PRKG1: variants seen among roughly 807,000 people sequenced by gnomAD.
PRKG1 encodes the protein cGMP-dependent protein kinase 1.
Under a neutral mutation model 88.1 loss-of-function variants are expected in PRKG1, and 35 were observed. That is an observed-to-expected ratio of 0.40 (90% CI 0.30 to 0.53). The LOEUF is 0.53. Ranked by LOEUF, PRKG1 falls within the 20% of genes least tolerant of loss-of-function variation. The pLI, the probability that PRKG1 is intolerant of heterozygous loss-of-function variation, is 0.59. For missense variants in PRKG1, 540 were observed against 839.8 expected, an observed-to-expected ratio of 0.64 and a Z score of 4.41; for synonymous variants, 303 against 292.5, an observed-to-expected ratio of 1.04 and a Z score of -0.37.
At chr10:51,131,522 G>A (rs1845566698) in intron 1 of PRKG1, among the ~76,000 whole-genome samples, 1 of 152,102 alleles carries the variant, frequency 6.6e-6, no homozygotes, top group Admixed American at 6.6e-5. Context: ...AGAGGTGGGC[G>A]GATCACCTGA....
chr10:51,670,735 CA>C (rs1181738888), intron 3 of PRKG1, among the ~76,000 whole-genome samples: 2 of 116,722 alleles, frequency 1.7e-5, no homozygotes, highest in Admixed American at 9.2e-5. Flanking sequence ...GACTCCGTCT[CA>C]AAAAAAAATA....
At chr10:51,874,379 G>A (rs1199717213) in intron 4 of PRKG1, among the ~76,000 whole-genome samples, 4 of 152,192 alleles carry the variant, frequency 2.6e-5, no homozygotes, top group Non-Finnish European at 5.9e-5. Flanking sequence ...ATTTATACAA[G>A]AGAGCATGAA....
At chr10:51,847,341 C>T (rs954854257) in intron 4 of PRKG1, among the ~76,000 whole-genome samples, 15 of 152,014 alleles carry the variant, frequency 9.9e-5, no homozygotes, top group African/African-American at 2.9e-4. Context: ...TATAATCTCT[C>T]AAAAAATAAT....
At chr10:51,629,931 A>G (rs976997325) in intron 3 of PRKG1, among the ~76,000 whole-genome samples, 20 of 152,178 alleles carry the variant, frequency 1.3e-4, no homozygotes, top group East Asian at 3.8e-4. Context: ...AGAAATTCCA[A>G]TGTTCACTCA....
At chr10:51,838,268 C>G (rs1383886336) in intron 4 of PRKG1, among the ~76,000 whole-genome samples, 1 of 152,102 alleles carries the variant, frequency 6.6e-6, no homozygotes, top group African/African-American at 2.4e-5. Context: ...CTCTGGTTTT[C>G]AATCCAAGAG....
chr10:51,149,433 G>C (rs577143217), intron 1 of PRKG1, among the ~76,000 whole-genome samples: 2 of 152,202 alleles, frequency 1.3e-5, no homozygotes, highest in African/African-American at 4.8e-5. Context: ...TTTTACCTAA[G>C]ATTGTGTAGA....
At chr10:51,499,340 C>G (rs1290461526) in intron 3 of PRKG1, among the ~76,000 whole-genome samples, 1 of 152,108 alleles carries the variant, frequency 6.6e-6, no homozygotes, top group Non-Finnish European at 1.5e-5. Context: ...AAGGCACTCT[C>G]AAAGCCTTCC....
At chr10:51,544,564 T>C (rs1842399146) in intron 3 of PRKG1, among the ~76,000 whole-genome samples, 1 of 152,174 alleles carries the variant, frequency 6.6e-6, no homozygotes. Context: ...CCTTTGGGTA[T>C]ATACCCAGTA....
At chr10:52,292,422 C>T (rs566961238) in intron 17 of PRKG1, among the ~76,000 whole-genome samples, 181 of 152,016 alleles carry the variant, frequency 1.2e-3, no homozygotes, top group African/African-American at 4.2e-3. Context: ...TTTAATCCAT[C>T]TTGAATTAAT....
rs138811590 is a variant in PRKG1, at chr10:51,604,381, T to G, written c.592+136545T>G. On this transcript the variant is annotated intron_variant, in intron 3 of 17. Coordinates refer to ENST00000373980, the MANE Select transcript of PRKG1 (RefSeq NM_006258.4). ...TAAGATGGCGTTTATAAAAGTTGTT[T>G]TTTAACCTTCTAAAATGTTGTTTCA... Among the ~76,000 whole-genome samples the G allele has an allele frequency of 1.7e-3, 252 of 152,326 alleles. 1 individual carries two copies. The highest frequency in any genetic ancestry group is 5.7e-3 in the African/African-American group (235 of 41,570).
chr10:51,447,286 C>CA (rs2132761877), intron 2 of PRKG1, among the ~76,000 whole-genome samples: 1 of 152,072 alleles, frequency 6.6e-6, no homozygotes, highest in East Asian at 1.9e-4. Context: ...ACTGATACAT[C>CA]ACTCTCAGCC....
intron 12 of PRKG1, among the ~76,000 whole-genome samples, chr10:52,276,077 C>T (rs1841865915): frequency 2.0e-5 from 3 of 152,230 alleles, no homozygotes; most frequent in Admixed American, 2.0e-4. Context: ...GTTCTAGGAG[C>T]TTCCTGGAAG....
At chr10:51,152,641 C>T (rs185846196) in intron 1 of PRKG1, among the ~76,000 whole-genome samples, 29 of 151,912 alleles carry the variant, frequency 1.9e-4, no homozygotes, top group Admixed American at 1.5e-3. Context: ...TAAAATGATC[C>T]CTGCTTATGT....
At chr10:51,208,315 A>G (rs991533457) in intron 2 of PRKG1, among the ~76,000 whole-genome samples, 2 of 152,204 alleles carry the variant, frequency 1.3e-5, no homozygotes, top group Non-Finnish European at 2.9e-5. Flanking sequence ...GGTAATTCCA[A>G]TATGGTAAAA....
At chr10:51,524,206 A>G (rs190104620) in intron 3 of PRKG1, among the ~76,000 whole-genome samples, 1 of 152,286 alleles carries the variant, frequency 6.6e-6, no homozygotes, top group East Asian at 1.9e-4. Flanking sequence ...CTGTGGAACC[A>G]TGAGTCAATT....
At chr10:51,344,719 G>T (rs537045272) in intron 2 of PRKG1, among the ~76,000 whole-genome samples, 1 of 152,130 alleles carries the variant, frequency 6.6e-6, no homozygotes, top group Admixed American at 6.5e-5. Context: ...TTGAAGAGAA[G>T]GTTCATGATA....
chr10:51,087,601 A>T (rs1844285150), intron 1 of PRKG1, among the ~76,000 whole-genome samples: 1 of 152,106 alleles, frequency 6.6e-6, no homozygotes, highest in Admixed American at 6.6e-5. Context: ...TCTCTTGTGC[A>T]GTTTTGTTTC....
intron 3 of PRKG1, among the ~76,000 whole-genome samples, chr10:51,634,715 A>G (rs542841968): frequency 2.6e-5 from 4 of 152,272 alleles, no homozygotes; most frequent in East Asian, 3.9e-4. Flanking sequence ...TCAAGAGGCT[A>G]TCAGAATACC....
chr10:51,800,277 T>C (rs1440937395), intron 3 of PRKG1, among the ~76,000 whole-genome samples: 1 of 152,132 alleles, frequency 6.6e-6, no homozygotes, highest in Non-Finnish European at 1.5e-5. Context: ...CCAGATTTCT[T>C]AGTCAGTTCG....
Sources: gnomAD v4.1 joint callset for allele counts (sites outside exome capture counted in the v4.1 genomes callset) on GRCh38, gnomAD v4.1.1 for gene constraint, MANE v1.5 for transcripts, NCBI Gene and HGNC (gene_info 2026-07-23, HGNC 2026-07-21) for gene names.